The following LILRB1 variants were observed in gnomAD, a reference collection of about 807,000 sequenced individuals.
LILRB1 encodes leukocyte immunoglobulin-like receptor subfamily B member 1.
In LILRB1, 59 loss-of-function variants were observed where a neutral mutation model predicts 74.6. That is an observed-to-expected ratio of 0.79 (90% confidence interval 0.64 to 0.98). LILRB1 has a LOEUF of 0.98. Among genes scored for constraint, LILRB1 ranks in the 50% least tolerant of loss-of-function variants. The pLI, the probability that LILRB1 is intolerant of heterozygous loss-of-function variation, is 0.00. For missense variants in LILRB1, 804 were observed against 822.6 expected, an observed-to-expected ratio of 0.98 and a Z score of 0.28; for synonymous variants, 328 against 333.9, an observed-to-expected ratio of 0.98 and a Z score of 0.19.
At position 54,633,180 on chromosome 19, in the gene LILRB1, T is replaced by C. The variant is rs2064063666; in HGVS notation, c.1123T>C (p.Ser375Pro). The change falls in exon 7 of 15, where the codon TCT becomes CCT. Residue 375 changes from serine to proline, a missense_variant. Coordinates refer to ENST00000324602, the MANE Select transcript of LILRB1 (RefSeq NM_001081637.3). ...ATGGCGTCTAAGATCAACGTACCAA[T>C]CTCAAAAATACCAGGCTGAATTCCC... is the stretch of plus-strand genomic sequence containing the variant. ...DPWRLRSTYQSQKYQAEFPMG... is the reference protein window; with the variant it reads ...DPWRLRSTYQPQKYQAEFPMG... The C allele has an allele frequency of 6.2e-7, 1 of 1,614,110 alleles. No homozygotes were observed. The highest frequency in any genetic ancestry group is 8.5e-7 in the Non-Finnish European group (1 of 1,180,006).
rs1446947395 is a variant in LILRB1, at chr19:54,635,594, G to T, written c.1638G>T (p.Val546=). 1.7e-5 allele frequency: 27 copies of T among 1,613,920 alleles called. No homozygotes were observed. The highest frequency in any genetic ancestry group is 2.3e-5 in the Non-Finnish European group (27 of 1,179,998). The change falls in exon 13 of 15, where the codon GTG becomes GTT. Residue 546 remains valine (V), a synonymous_variant. Coordinates refer to ENST00000324602, the MANE Select transcript of LILRB1 (RefSeq NM_001081637.3). ...AGCACACACAGCCTGAGGATGGGGTGGAGATGGACACTCGGGTGAGACCCC... is the reference window on the plus strand; with the variant it reads ...AGCACACACAGCCTGAGGATGGGGTTGAGATGGACACTCGGGTGAGACCCC... The part of the protein sequence containing the change: ...AVKHTQPEDG[V]EMDTRQSPHD...
rs2064328664 is a variant in LILRB1 at position 54,635,596 on chromosome 19, A to G, written c.1640A>G (p.Glu547Gly). The change falls in exon 13 of 15, where the codon GAG becomes GGG. Residue 547 changes from glutamate to glycine, a missense_variant. By Grantham distance (98) the Glu-to-Gly change is moderately conservative. Transcript: ENST00000324602. ...VKHTQPEDGVEMDTRQSPHDE... is the reference protein window; with the variant it reads ...VKHTQPEDGVGMDTRQSPHDE... Reference sequence around the variant, plus strand: ...CACACACAGCCTGAGGATGGGGTGGAGATGGACACTCGGGTGAGACCCCAC... The same window carrying G: ...CACACACAGCCTGAGGATGGGGTGGGGATGGACACTCGGGTGAGACCCCAC... The G allele has an allele frequency of 2.5e-6, 4 of 1,613,916 alleles. No homozygotes were observed. The highest frequency in any genetic ancestry group is 1.3e-5 in the African/African-American group (1 of 74,920).
intron 13 of LILRB1, 69 bp from the exon 14 acceptor site, chr19:54,636,425 C>G: frequency 2.5e-6 from 4 of 1,589,712 alleles, no homozygotes; most frequent in Non-Finnish European, 3.4e-6. Context: ...ACCCGGGGAA[C>G]AGTGAGGAAA....
At chr19:54,633,492 A>G in intron 7 of LILRB1, 146 bp from the exon 8 acceptor site, 8 of 1,187,736 alleles carry the variant, frequency 6.7e-6, no homozygotes, top group Non-Finnish European at 9.4e-6. Flanking sequence ...GCCCACCCTC[A>G]GTGGCATCGC....
chr19:54,627,152 T>C (rs1315132632), upstream of LILRB1, among the ~76,000 whole-genome samples: 12 of 152,224 alleles, frequency 7.9e-5, no homozygotes, highest in Admixed American at 7.9e-4. Flanking sequence ...GTTGGACAGA[T>C]GCATGCTTTC....
intron 13 of LILRB1, 117 bp from the exon 14 acceptor site, chr19:54,636,377 T>C (rs1599872723): frequency 6.5e-6 from 10 of 1,534,874 alleles, no homozygotes; most frequent in East Asian, 4.6e-5. Context: ...CCTTAGGGCG[T>C]CCCTGAGATT....
At chr19:54,621,377 G>GT (rs1374472580) in intron 1 of LILRB1, among the ~76,000 whole-genome samples, 1 of 152,198 alleles carries the variant, frequency 6.6e-6, no homozygotes, top group Non-Finnish European at 1.5e-5. Context: ...TTTGACTGGT[G>GT]TAAGTTGATA....
upstream of LILRB1, among the ~76,000 whole-genome samples, chr19:54,626,732 T>C (rs2063599946): frequency 6.6e-6 from 1 of 152,232 alleles, no homozygotes; most frequent in Admixed American, 6.5e-5. Context: ...TTTATTTCTC[T>C]TGGGTGGGTT....
intron 2 of LILRB1, 60 bp downstream of exon 2, chr19:54,631,167 A>T: frequency 6.2e-7 from 1 of 1,613,594 alleles, no homozygotes; most frequent in Non-Finnish European, 8.5e-7. Context: ...CCACAGCCAA[A>T]CTCTTGTCCC....
intron 1 of LILRB1, among the ~76,000 whole-genome samples, chr19:54,619,785 A>G (rs2063405616): frequency 6.6e-6 from 1 of 152,142 alleles, no homozygotes; most frequent in African/African-American, 2.4e-5. Flanking sequence ...AACTACATGA[A>G]ACAGCTCATC....
Position 54,636,989 on chromosome 19 carries a change from C to T in LILRB1, c.*111C>T, listed in dbSNP as rs1336433370. 19 of 1,422,726 alleles carry T rather than the reference C, an allele frequency of 1.3e-5. 1 individual carries two copies. The highest frequency in any genetic ancestry group is 9.2e-5 in the South Asian group (7 of 75,804). The allele number at this position is 1,422,726 out of a possible 1,614,324, so 88.1% of individuals were successfully genotyped here. ...CAGCCTGGATCTACCCCAGGAGACT[C>T]TGGGAACTTTTAGGGGTCACTCAAT... On this transcript the variant is annotated 3_prime_UTR_variant, in exon 15 of 15. Transcript: ENST00000324602.
At position 54,636,645 on chromosome 19, in the gene LILRB1, A is replaced by T; in HGVS notation, c.1805A>T (p.Asp602Val). 1.2e-6 allele frequency: 2 copies of T among 1,610,766 alleles called. No individual in the cohort carries two copies. Among genetic ancestry groups the T allele is most frequent in the Non-Finnish European group, 1.7e-6 (2 of 1,178,978 alleles). The change falls in exon 14 of 15, where the codon GAC (aspartate) becomes GTC (valine). Residue 602 changes from aspartate to valine, a missense_variant. Coordinates refer to ENST00000324602, the MANE Select transcript of LILRB1 (RefSeq NM_001081637.3). ...CAGGCGGAAGAGGACAGGCAGATGG[A>T]CACTGAGGTGAGTCCTTTCCTCTCC... ...DRQAEEDRQM[D>V]TEAAASEAPQ...
chr19:54,631,051 G>C lies in LILRB1; in HGVS notation c.-23G>C, dbSNP rs1184230140. The C allele has an allele frequency of 6.2e-7, 1 of 1,614,126 alleles. No individual in the cohort carries two copies. Among genetic ancestry groups the C allele is most frequent in the Non-Finnish European group, 8.5e-7 (1 of 1,180,050 alleles). Reference sequence around the variant, plus strand: ...CACCGAGGGCTCATCCATCCACAGAGCAGGGCAGTGGGAGGAGACGCCATG... The same window carrying C: ...CACCGAGGGCTCATCCATCCACAGACCAGGGCAGTGGGAGGAGACGCCATG... On this transcript the variant is annotated 5_prime_UTR_variant, in exon 2 of 15. Coordinates refer to ENST00000324602, the MANE Select transcript of LILRB1 (RefSeq NM_001081637.3).
At chr19:54,628,569 A>G (rs2063660734), upstream of LILRB1, among the ~76,000 whole-genome samples, 1 of 152,154 alleles carries the variant, frequency 6.6e-6, no homozygotes, top group Admixed American at 6.5e-5. Flanking sequence ...TCCTGGTTGA[A>G]TACAAAGCAC....
chr19:54,617,757 A>G (rs763101532), intron 1 of LILRB1, among the ~76,000 whole-genome samples: 1 of 152,042 alleles, frequency 6.6e-6, no homozygotes, highest in Non-Finnish European at 1.5e-5. Flanking sequence ...TAACATGGAA[A>G]TTTAGGGTTA....
intron 1 of LILRB1, among the ~76,000 whole-genome samples, chr19:54,624,745 C>T (rs981140566): frequency 3.9e-5 from 6 of 152,094 alleles, no homozygotes; most frequent in African/African-American, 2.4e-5. Context: ...GGTTCAGATG[C>T]TGGCTGTGAT....
At chr19:54,625,384 C>T (rs1414927840) in intron 1 of LILRB1, among the ~76,000 whole-genome samples, 2 of 151,842 alleles carry the variant, frequency 1.3e-5, no homozygotes, top group Non-Finnish European at 2.9e-5. Context: ...CCTGCTAAGG[C>T]AGTGGCAGCT....
intron 7 of LILRB1, 64 bp downstream of exon 7, chr19:54,633,382 G>C: frequency 6.4e-7 from 1 of 1,558,082 alleles, no homozygotes; most frequent in Non-Finnish European, 8.7e-7. Flanking sequence ...CCCCAGGAGA[G>C]CTCTGGGCTG....
In LILRB1 at chr19:54,632,579, G is replaced by A. The variant is rs1421234523; in HGVS notation, c.777G>A (p.Lys259=). The change falls in exon 6 of 15, where the codon AAG becomes AAA. Residue 259 remains lysine, a synonymous_variant. Transcript: ENST00000324602. ...GCTACAACAGATTTGTTCTGTATAA[G>A]GACGGGGAACGTGACTTCCTTCAGC... ...DAGYNRFVLY[K]DGERDFLQLA... 1 of 1,614,146 alleles carries A rather than the reference G, an allele frequency of 6.2e-7. No homozygotes were observed. The highest frequency in any genetic ancestry group is 8.5e-7 in the Non-Finnish European group (1 of 1,180,016).
Sources: gnomAD v4.1 joint callset for allele counts (sites outside exome capture counted in the v4.1 genomes callset) on GRCh38, gnomAD v4.1.1 for gene constraint, MANE v1.5 for transcripts, NCBI Gene and HGNC (gene_info 2026-07-23, HGNC 2026-07-21) for gene names.